The following TAFA5 variants were observed in gnomAD, a reference collection of about 807,000 sequenced individuals.
The protein encoded by TAFA5 is chemokine-like protein TAFA-5.
Under a neutral mutation model 15.3 loss-of-function variants are expected in TAFA5, and 6 were observed. The ratio of observed to expected loss-of-function variants is 0.39; its 90% CI spans 0.21 to 0.77. The LOEUF (loss-of-function observed/expected upper bound fraction) is 0.77. TAFA5 is among the 30% of genes least tolerant of loss of function. The pLI is 0.41. For synonymous variants in TAFA5, 103 were observed against 80.7 expected (o/e 1.28, Z -1.48); for missense variants, 161 against 193.1 (o/e 0.83, Z 0.98).
At chr22:48,555,634 C>T (rs1923008870) in intron 1 of TAFA5, among the ~76,000 whole-genome samples, 1 of 152,200 alleles carries the variant, frequency 6.6e-6, no homozygotes, top group Admixed American at 6.5e-5. Flanking sequence ...GGGGTGCACC[C>T]CCCACGCCAC....
In TAFA5 at chr22:48,681,853, C is replaced by T. The variant is rs1170837230; in HGVS notation, c.263-25864C>T. ...CTCCCACTCCTGCTTGATCAAACAC[C>T]AGCACCCCGTCGTTGGGGGCTGGAC... On this transcript the variant is annotated intron_variant, in intron 2 of 3. Coordinates refer to ENST00000402357, the MANE Select transcript of TAFA5 (RefSeq NM_001082967.3). 7.1e-5 allele frequency among the ~76,000 whole-genome samples: 4 copies of T among 56,148 alleles called. 2 individuals are homozygous for T. The highest frequency in any genetic ancestry group is 1.7e-4 in the African/African-American group (4 of 22,942). The allele number at this position is 56,148 out of a possible 152,430, so 36.8% of individuals were successfully genotyped here.
In TAFA5 at chr22:48,735,123, C is replaced by T. The variant is rs373628420; in HGVS notation, c.391-14716C>T. 5.3e-5 allele frequency among the ~76,000 whole-genome samples: 8 copies of T among 152,182 alleles called. No individual in the cohort carries two copies. The East Asian group carries it at 7.7e-4, about 15-fold the overall frequency. On this transcript the variant is annotated intron_variant, in intron 3 of 3. Coordinates refer to ENST00000402357, the MANE Select transcript of TAFA5 (RefSeq NM_001082967.3). ...CCATGGGCTGCAGACTGTTCTCATC[C>T]CGTTTTACAGATGAGGAAACGGAGG...
chr22:48,541,658 G>A (rs1922378345), intron 1 of TAFA5, among the ~76,000 whole-genome samples: 1 of 152,094 alleles, frequency 6.6e-6, no homozygotes, highest in African/African-American at 2.4e-5. Context: ...GCCCCATGCA[G>A]ACCTGCAGTG....
intron 1 of TAFA5, among the ~76,000 whole-genome samples, chr22:48,643,532 A>G (rs1259804124): frequency 6.6e-6 from 1 of 152,160 alleles, no homozygotes; most frequent in Admixed American, 6.5e-5. Context: ...TGCCCCTTAC[A>G]GAGGAGGAGT....
chr22:48,561,540 G>A (rs959990470), intron 1 of TAFA5, among the ~76,000 whole-genome samples: 2 of 152,214 alleles, frequency 1.3e-5, no homozygotes, highest in Non-Finnish European at 1.5e-5. Context: ...TCCACGGTTT[G>A]AAATGTTTGC....
At chr22:48,652,907 GT>G (rs1927106664) in intron 2 of TAFA5, among the ~76,000 whole-genome samples, 1 of 152,174 alleles carries the variant, frequency 6.6e-6, no homozygotes, top group African/African-American at 2.4e-5. Context: ...GGGCGACTGG[GT>G]GTACAGCCAC....
chr22:48,680,632 CTG>C (rs1231682403), intron 2 of TAFA5, among the ~76,000 whole-genome samples: 2 of 152,224 alleles, frequency 1.3e-5, no homozygotes, highest in African/African-American at 4.8e-5. Context: ...CCCACCACGA[CTG>C]GGCACTGACA....
chr22:48,721,387 T>C (rs1325051285), intron 3 of TAFA5, among the ~76,000 whole-genome samples: 1 of 152,132 alleles, frequency 6.6e-6, no homozygotes, highest in African/African-American at 2.4e-5. Flanking sequence ...CGTGCTGCTG[T>C]TTCAAGCCCG....
intron 2 of TAFA5, chr22:48,693,252 G>T: frequency 6.5e-7 from 1 of 1,548,848 alleles, no homozygotes; most frequent in East Asian, 2.4e-5. Flanking sequence ...CCAGAGCCAT[G>T]AAAATGCTCA....
intron 3 of TAFA5, among the ~76,000 whole-genome samples, chr22:48,746,224 G>A (rs748375578): frequency 6.6e-6 from 1 of 152,090 alleles, no homozygotes; most frequent in Non-Finnish European, 1.5e-5. Flanking sequence ...AAGTCGTCCA[G>A]GGCATTCTGG....
chr22:48,614,353 C>A (rs954537913), intron 1 of TAFA5, among the ~76,000 whole-genome samples: 3 of 152,378 alleles, frequency 2.0e-5, no homozygotes, highest in East Asian at 3.9e-4. Context: ...AAATGTTCTT[C>A]ATTCCTGGAT....
chr22:48,555,296 G>A (rs866497281), intron 1 of TAFA5, among the ~76,000 whole-genome samples: 1 of 152,228 alleles, frequency 6.6e-6, no homozygotes, highest in Non-Finnish European at 1.5e-5. Flanking sequence ...CTTCCCAGGT[G>A]CCTGGGCATT....
intron 3 of TAFA5, among the ~76,000 whole-genome samples, chr22:48,731,302 A>G (rs1272987080): frequency 6.6e-6 from 1 of 152,250 alleles, no homozygotes; most frequent in Non-Finnish European, 1.5e-5. Flanking sequence ...GTGCAAGGTG[A>G]AGCAGCAACT....
At chr22:48,674,699 G>A (rs982038012) in intron 2 of TAFA5, among the ~76,000 whole-genome samples, 2 of 152,176 alleles carry the variant, frequency 1.3e-5, no homozygotes, top group Admixed American at 6.5e-5. Flanking sequence ...AGGAGCCCTC[G>A]TTCAGGGAGA....
In TAFA5 at chr22:48,598,560, C is replaced by T. The variant is rs1924851985; in HGVS notation, c.113-48037C>T. On this transcript the variant is annotated intron_variant, in intron 1 of 3. Transcript: ENST00000402357. This position sits in a 1 kb window ranked among gnomAD's most constrained non-coding sequence, Gnocchi z 4.0. ...CATCTTAGGCAGTTGTGTGAGATGA[C>T]CTCCATGTAGGCTGCCATGGTGTCA... Among the ~76,000 whole-genome samples the T allele has an allele frequency of 6.6e-6, 1 of 152,172 alleles. No individual in the cohort carries two copies. Among genetic ancestry groups the T allele is most frequent in the Admixed American group, 6.5e-5 (1 of 15,282 alleles).
chr22:48,737,576 C>T (rs1930065567), intron 3 of TAFA5, among the ~76,000 whole-genome samples: 1 of 152,150 alleles, frequency 6.6e-6, no homozygotes, highest in Admixed American at 6.5e-5. Flanking sequence ...TGAGCCTGGG[C>T]ACAGGGACAG....
intron 1 of TAFA5, among the ~76,000 whole-genome samples, chr22:48,578,549 C>G (rs191001047): frequency 6.6e-6 from 1 of 152,166 alleles, no homozygotes; most frequent in South Asian, 2.1e-4. Flanking sequence ...ACACGTGTGT[C>G]GGTGTTGTGG....
At chr22:48,553,399 G>T (rs922236156) in intron 1 of TAFA5, among the ~76,000 whole-genome samples, 6 of 152,230 alleles carry the variant, frequency 3.9e-5, no homozygotes, top group South Asian at 4.1e-4. Flanking sequence ...TTGCCCGGAG[G>T]CGCCCGGGCC....
At chr22:48,674,838 C>G (rs1266804473) in intron 2 of TAFA5, among the ~76,000 whole-genome samples, 2 of 152,274 alleles carry the variant, frequency 1.3e-5, no homozygotes, top group African/African-American at 4.8e-5. Flanking sequence ...CACTGTCACA[C>G]TATTCTTTCG....
Sources: gnomAD v4.1 joint callset for allele counts (sites outside exome capture counted in the v4.1 genomes callset) on GRCh38, gnomAD v4.1.1 for gene constraint, Gnocchi (gnomAD v3.1) non-coding constraint, MANE v1.5 for transcripts, NCBI Gene and HGNC (gene_info 2026-07-23, HGNC 2026-07-21) for gene names.